The following ZEB1 variants were observed in gnomAD, a reference collection of about 807,000 sequenced individuals.
The protein encoded by ZEB1 is zinc finger E-box binding homeobox 1, also known as zinc finger E-box-binding homeobox 1.
ZEB1 carries 21 observed loss-of-function variants against 84.9 expected under a neutral mutation model. The ratio of observed to expected loss-of-function variants is 0.25; its 90% confidence interval spans 0.18 to 0.36. The LOEUF (loss-of-function observed/expected upper bound fraction) is 0.36. ZEB1 is among the 10% of genes least tolerant of loss of function. The pLI, the probability that ZEB1 is intolerant of heterozygous loss-of-function variation, is 1.00. For missense variants in ZEB1, 1,104 were observed against 1,330.2 expected, an observed-to-expected ratio of 0.83 and a Z score of 2.65; for synonymous variants, 420 against 471.1, an observed-to-expected ratio of 0.89 and a Z score of 1.41.
intron 8 of ZEB1, 30 bp downstream of exon 8, chr10:31,524,143 C>A: frequency 6.2e-7 from 1 of 1,601,962 alleles, no homozygotes; most frequent in Non-Finnish European, 8.5e-7. Context: ...CATAAAGTGT[C>A]CATGATATGA....
chr10:31,456,078 T>C (rs541001951), intron 1 of ZEB1, among the ~76,000 whole-genome samples: 26 of 152,306 alleles, frequency 1.7e-4, no homozygotes, highest in South Asian at 1.2e-3. Flanking sequence ...TATGCAGCCC[T>C]AAAACAGGAT....
At chr10:31,319,085 C>G (rs879837255), upstream of ZEB1, 4 of 675,336 alleles carry the variant, frequency 5.9e-6, no homozygotes, top group Non-Finnish European at 1.1e-5. Context: ...GCGAGAGCCT[C>G]TAGGTGTAAG....
chr10:31,496,430 C>A (rs928753969), intron 3 of ZEB1, among the ~76,000 whole-genome samples: 9 of 151,906 alleles, frequency 5.9e-5, no homozygotes, highest in African/African-American at 2.2e-4. Context: ...AGTACATATT[C>A]CCTGAAACTT....
intron 1 of ZEB1, among the ~76,000 whole-genome samples, chr10:31,427,197 G>A (rs539737560): frequency 5.7e-4 from 86 of 152,138 alleles, no homozygotes; most frequent in South Asian, 4.6e-3. Context: ...CTACAGCATT[G>A]TGATAAAGGG....
At chr10:31,433,074 T>C (rs987751080) in intron 1 of ZEB1, among the ~76,000 whole-genome samples, 6 of 152,190 alleles carry the variant, frequency 3.9e-5, no homozygotes, top group Non-Finnish European at 7.3e-5. Context: ...AGTTTAGTTG[T>C]GATGTAAAAT....
chr10:31,408,501 A>C (rs2053581107), intron 1 of ZEB1, among the ~76,000 whole-genome samples: 1 of 150,150 alleles, frequency 6.7e-6, no homozygotes, highest in Non-Finnish European at 1.5e-5. Context: ...ACTATACTAC[A>C]AGGCTACAGT....
intron 1 of ZEB1, among the ~76,000 whole-genome samples, chr10:31,411,656 A>G (rs183475352): frequency 0.023 from 3,414 of 148,714 alleles, 50 homozygotes; most frequent in Non-Finnish European, 0.038. Context: ...AAAAAAAAAA[A>G]GCAGCATTAG....
intron 1 of ZEB1, among the ~76,000 whole-genome samples, chr10:31,326,075 T>C (rs1431260318): frequency 6.6e-6 from 1 of 152,044 alleles, no homozygotes; most frequent in East Asian, 1.9e-4. Flanking sequence ...ATTCATCTTT[T>C]CCAAAATAAC....
chr10:31,480,245 T>C (rs1415200495), intron 2 of ZEB1, among the ~76,000 whole-genome samples: 1 of 152,060 alleles, frequency 6.6e-6, no homozygotes, highest in African/African-American at 2.4e-5. Flanking sequence ...CCAAGACAAT[T>C]AAACTTTTTA....
At chr10:31,503,664 G>C (rs1044408288) in intron 4 of ZEB1, among the ~76,000 whole-genome samples, 5 of 151,730 alleles carry the variant, frequency 3.3e-5, no homozygotes, top group Admixed American at 1.3e-4. Flanking sequence ...CACAGTGGCT[G>C]TCCTAATTTT....
In ZEB1 at chr10:31,416,709, C is replaced by T. The variant is rs186265278; in HGVS notation, c.59-44328C>T. Among the ~76,000 whole-genome samples the T allele has an allele frequency of 8.5e-5, 13 of 152,126 alleles. No homozygotes were observed. The South Asian group carries it at 1.5e-3, about 17-fold the overall frequency. ...AGAGCACCAGAGAGAAAAATAGAAG[C>T]GCATAGAAGGAATAAATTCAGTTGC... On this transcript the variant is annotated intron_variant, in intron 1 of 8. Transcript: ENST00000424869.
intron 1 of ZEB1, among the ~76,000 whole-genome samples, chr10:31,334,935 A>AAACTT (rs908204291): frequency 3.7e-4 from 57 of 152,160 alleles, no homozygotes; most frequent in African/African-American, 1.3e-3. Flanking sequence ...AAATTCTACA[A>AAACTT]AACATTCAAG....
intron 1 of ZEB1, among the ~76,000 whole-genome samples, chr10:31,436,243 T>G (rs991653113): frequency 4.6e-5 from 7 of 152,200 alleles, no homozygotes; most frequent in Non-Finnish European, 1.0e-4. Context: ...GTGATTATTA[T>G]GTATGTCCTT....
intron 1 of ZEB1, among the ~76,000 whole-genome samples, chr10:31,413,736 G>A (rs997497133): frequency 6.6e-6 from 1 of 151,968 alleles, no homozygotes; most frequent in South Asian, 2.1e-4. Flanking sequence ...AAAAAATATT[G>A]ACTATTAAGA....
At chr10:31,337,182 T>C (rs1031813424) in intron 1 of ZEB1, among the ~76,000 whole-genome samples, 3 of 152,084 alleles carry the variant, frequency 2.0e-5, no homozygotes, top group African/African-American at 7.2e-5. Flanking sequence ...ACAAAACAAA[T>C]CACTGAAGAA....
intron 1 of ZEB1, among the ~76,000 whole-genome samples, chr10:31,341,806 C>A (rs566916988): frequency 6.6e-6 from 1 of 152,264 alleles, no homozygotes; most frequent in Non-Finnish European, 1.5e-5. Flanking sequence ...GTGGGCCAAC[C>A]TGAAGATCCA....
intron 1 of ZEB1, among the ~76,000 whole-genome samples, chr10:31,396,976 C>T (rs984117661): frequency 4.0e-5 from 6 of 150,962 alleles, no homozygotes; most frequent in African/African-American, 9.7e-5. Context: ...TAAAATAGCT[C>T]GAGCTCTCCT....
chr10:31,353,686 A>G (rs1170912149), intron 1 of ZEB1, among the ~76,000 whole-genome samples: 1 of 152,234 alleles, frequency 6.6e-6, no homozygotes, highest in East Asian at 1.9e-4. Context: ...TAGAGATAAA[A>G]TATTTTAAAA....
intron 1 of ZEB1, among the ~76,000 whole-genome samples, chr10:31,398,378 T>C (rs2051223621): frequency 1.3e-5 from 2 of 152,136 alleles, no homozygotes; most frequent in South Asian, 2.1e-4. Flanking sequence ...TTTGGATAAA[T>C]ATTGAAATTA....
Sources: allele counts gnomAD v4.1 joint callset (sites outside exome capture counted in the v4.1 genomes callset), GRCh38; gene constraint gnomAD v4.1.1; transcripts MANE v1.5; gene names NCBI Gene and HGNC (gene_info 2026-07-23, HGNC 2026-07-21).